The following TRHR variants were observed in gnomAD, a reference collection of about 807,000 sequenced individuals.
TRHR encodes the protein thyrotropin releasing hormone receptor, also known as thyrotropin-releasing hormone receptor.
A neutral mutation model predicts 28.0 loss-of-function variants in TRHR; 14 were observed. That is an observed-to-expected ratio of 0.50 (90% CI 0.33 to 0.78). The LOEUF (loss-of-function observed/expected upper bound fraction) is 0.78, where lower values mean the gene tolerates loss of function less well. Ranked by LOEUF, TRHR falls within the 30% of genes least tolerant of loss-of-function variation. TRHR has a pLI of 0.02. For missense variants in TRHR, 438 were observed against 469.5 expected (o/e 0.93, Z 0.62); for synonymous variants, 176 against 171.9 (o/e 1.02, Z -0.18).
intron 1 of TRHR, among the ~76,000 whole-genome samples, chr8:109,087,151 G>A (rs1180172614): frequency 6.6e-6 from 1 of 151,192 alleles, no homozygotes; most frequent in Non-Finnish European, 1.5e-5. Context: ...TTTCAACTGG[G>A]CACTGTTTCA....
chr8:109,105,487 TG>T (rs1811736278), intron 2 of TRHR, among the ~76,000 whole-genome samples: 1 of 152,170 alleles, frequency 6.6e-6, no homozygotes, highest in South Asian at 2.1e-4. Context: ...TTTTAGACCT[TG>T]GGAACACAGC....
At chr8:109,088,364 G>A (rs889842781) in intron 2 of TRHR, 63 bp downstream of exon 2, 8 of 1,569,530 alleles carry the variant, frequency 5.1e-6, no homozygotes, top group Non-Finnish European at 7.0e-6. Flanking sequence ...TTGGAGATGG[G>A]AAACAACTTT....
chr8:109,106,211 A>C (rs1440086997), intron 2 of TRHR, among the ~76,000 whole-genome samples: 1 of 152,138 alleles, frequency 6.6e-6, no homozygotes, highest in Non-Finnish European at 1.5e-5. Context: ...ACCAATTTAT[A>C]ATCTAAAGAT....
At chr8:109,109,706 C>T (rs1811801498) in intron 2 of TRHR, among the ~76,000 whole-genome samples, 1 of 152,158 alleles carries the variant, frequency 6.6e-6, no homozygotes, top group South Asian at 2.1e-4. Context: ...CTCTCTTACA[C>T]TGAGAAATGT....
intron 2 of TRHR, among the ~76,000 whole-genome samples, chr8:109,114,112 C>T (rs553086559): frequency 6.6e-6 from 1 of 152,140 alleles, no homozygotes; most frequent in South Asian, 2.1e-4. Context: ...ACTTATTCTA[C>T]ATATTTAAAT....
rs753792727 is a variant in TRHR, at chr8:109,097,777, C to A, written c.789+9476C>A. The stretch of plus-strand genomic sequence containing the variant: ...CCAACACCTGCCTTCTCAGTTTTCT[C>A]TTCAAGCTATTGAGCAATGCCAGAG... On this transcript the variant is annotated intron_variant, in intron 2 of 2. Coordinates refer to ENST00000518632, the MANE Select transcript of TRHR (RefSeq NM_003301.7). 1.3e-5 allele frequency among the ~76,000 whole-genome samples: 2 copies of A among 152,200 alleles called. 1 individual carries two copies. Among genetic ancestry groups the A allele is most frequent in the Non-Finnish European group, 2.9e-5 (2 of 68,026 alleles).
At chr8:109,097,037 G>C (rs952581828) in intron 2 of TRHR, among the ~76,000 whole-genome samples, 9 of 152,282 alleles carry the variant, frequency 5.9e-5, no homozygotes, top group African/African-American at 2.2e-4. Context: ...TGTGTTAGTG[G>C]AGAAGATGTT....
At chr8:109,117,325 C>T (rs1811936424) in intron 2 of TRHR, among the ~76,000 whole-genome samples, 1 of 151,820 alleles carries the variant, frequency 6.6e-6, no homozygotes, top group Non-Finnish European at 1.5e-5. Context: ...GTAGACAAAT[C>T]ATATAAATTA....
At position 109,087,638 on chromosome 8, in the gene TRHR, C is replaced by A; in HGVS notation, c.126C>A (p.Gly42=). The A allele has an allele frequency of 6.2e-7, 1 of 1,614,116 alleles. No individual in the cohort carries two copies. The highest frequency in any genetic ancestry group is 1.1e-5 in the South Asian group (1 of 91,078). ...VLIICGLGIV[G]NIMVVLVVMR... The stretch of plus-strand genomic sequence containing the variant: ...TTATTTGTGGCCTGGGCATTGTAGG[C>A]AACATCATGGTAGTCCTGGTTGTCA... Residue 42 remains glycine, a synonymous_variant, in exon 2 of 3, where the codon GGC becomes GGA. Coordinates refer to ENST00000518632, the MANE Select transcript of TRHR (RefSeq NM_003301.7).
intron 2 of TRHR, among the ~76,000 whole-genome samples, chr8:109,102,076 GTGT>G (rs1457748084): frequency 1.3e-5 from 2 of 152,104 alleles, no homozygotes; most frequent in Non-Finnish European, 2.9e-5. Flanking sequence ...TTTCCATAAG[GTGT>G]TGGGGAAATA....
intron 2 of TRHR, among the ~76,000 whole-genome samples, chr8:109,116,576 TA>T (rs1191203404): frequency 6.6e-6 from 1 of 152,150 alleles, no homozygotes; most frequent in Non-Finnish European, 1.5e-5. Context: ...CTAGATTTTC[TA>T]GTTTATTTGT....
chr8:109,119,011 T>A lies in TRHR; in HGVS notation c.790-37T>A, dbSNP rs781252039. On this transcript the variant is annotated intron_variant, in intron 2 of 2. Coordinates refer to ENST00000518632, the MANE Select transcript of TRHR (RefSeq NM_003301.7). ...AAAGGGGGTTTTGTTTTGTTTTCAT[T>A]TGTGTTTGTACAGCATTTCTCTCTA... 10 of 1,611,626 alleles carry A rather than the reference T, an allele frequency of 6.2e-6. No homozygotes were observed. The South Asian group carries it at 8.8e-5, about 14-fold the overall frequency.
chr8:109,106,161 G>A (rs981189780), intron 2 of TRHR, among the ~76,000 whole-genome samples: 1 of 152,080 alleles, frequency 6.6e-6, no homozygotes, highest in Non-Finnish European at 1.5e-5. Context: ...TGCTTTCTGT[G>A]TTATATTGGA....
intron 2 of TRHR, among the ~76,000 whole-genome samples, chr8:109,105,468 C>T (rs770705568): frequency 9.2e-5 from 14 of 152,078 alleles, no homozygotes; most frequent in Non-Finnish European, 1.5e-4. Context: ...CTCTGAATCC[C>T]GAGTACTCTT....
intron 2 of TRHR, among the ~76,000 whole-genome samples, chr8:109,096,473 A>G (rs1189590449): frequency 6.6e-6 from 1 of 152,130 alleles, no homozygotes; most frequent in Non-Finnish European, 1.5e-5. Flanking sequence ...AACATCCCAA[A>G]GAGTAGGGCC....
rs146602095 is a variant in TRHR, at chr8:109,117,252, A to G, written c.790-1796A>G. ...AAGGGCAAAGTATATAGGAAGGAGC[A>G]TGACCTTTGTCTTAAGTAGACAGAT... On this transcript the variant is annotated intron_variant, in intron 2 of 2. Transcript: ENST00000518632. Among the ~76,000 whole-genome samples the G allele has an allele frequency of 6.6e-3, 1,006 of 152,042 alleles. 7 individuals carry two copies. Among genetic ancestry groups the G allele is most frequent in the Admixed American group, 0.011 (170 of 15,212 alleles).
chr8:109,100,674 A>G (rs535280853), intron 2 of TRHR, among the ~76,000 whole-genome samples: 1 of 152,316 alleles, frequency 6.6e-6, no homozygotes, highest in African/African-American at 2.4e-5. Flanking sequence ...AATCTAATAC[A>G]GAAGACAGAA....
chr8:109,089,448 C>A (rs989291511), intron 2 of TRHR, among the ~76,000 whole-genome samples: 2 of 151,888 alleles, frequency 1.3e-5, no homozygotes, highest in East Asian at 3.9e-4. Flanking sequence ...CGTAACTGGA[C>A]ACAGCAAAAT....
At chr8:109,117,724 T>G (rs1811941073) in intron 2 of TRHR, among the ~76,000 whole-genome samples, 1 of 152,038 alleles carries the variant, frequency 6.6e-6, no homozygotes, top group South Asian at 2.1e-4. Flanking sequence ...TTCCTATGAC[T>G]AATTATTTAC....
Sources: gnomAD v4.1 joint callset for allele counts (sites outside exome capture counted in the v4.1 genomes callset) on GRCh38, gnomAD v4.1.1 for gene constraint, MANE v1.5 for transcripts, NCBI Gene and HGNC (gene_info 2026-07-23, HGNC 2026-07-21) for gene names.